GRK5: variants seen among roughly 807,000 people sequenced by gnomAD.
The protein encoded by GRK5 is G protein-coupled receptor kinase 5, also known as g protein-coupled receptor kinase GRK5.
GRK5 carries 40 observed loss-of-function variants against 78.4 expected under a neutral mutation model. The ratio of observed to expected loss-of-function variants is 0.51; its 90% CI spans 0.40 to 0.66. The LOEUF is 0.66. Ranked by LOEUF, GRK5 falls within the 30% of genes least tolerant of loss-of-function variation. The pLI, the probability that GRK5 is intolerant of heterozygous loss-of-function variation, is 0.00. For synonymous variants in GRK5, 289 were observed against 296.8 expected, an observed-to-expected ratio of 0.97 and a Z score of 0.27; for missense variants, 598 against 759.9, an observed-to-expected ratio of 0.79 and a Z score of 2.50.
At chr10:119,373,207 GA>G (rs1284301553) in intron 2 of GRK5, among the ~76,000 whole-genome samples, 5 of 152,200 alleles carry the variant, frequency 3.3e-5, no homozygotes, top group Non-Finnish European at 7.3e-5. Flanking sequence ...TAGATAGCTG[GA>G]AAAGCACTGC....
rs764370681 is a variant in GRK5 at position 119,452,679 on chromosome 10, T to C, written c.1413T>C (p.Ala471=). The part of the protein sequence containing the change: ...LDPPFVPDPR[A]VYCKDVLDIE... ...CCCTCTGCCCCTGGCAGCCCCGCGCTGTGTACTGTAAGGACGTGCTGGACA... is the reference window on the plus strand; with the variant it reads ...CCCTCTGCCCCTGGCAGCCCCGCGCCGTGTACTGTAAGGACGTGCTGGACA... Residue 471 remains alanine (A), a synonymous_variant, in exon 14 of 16, where the codon GCT becomes GCC. Coordinates refer to ENST00000392870, the MANE Select transcript of GRK5 (RefSeq NM_005308.3). This position sits in a 1 kb window ranked among gnomAD's most constrained non-coding sequence, Gnocchi z 4.4. 1 of 1,614,070 alleles carries C rather than the reference T, an allele frequency of 6.2e-7. No individual in the cohort carries two copies. The highest frequency in any genetic ancestry group is 1.1e-5 in the South Asian group (1 of 91,080).
At chr10:119,318,045 T>G (rs1053983652) in intron 1 of GRK5, among the ~76,000 whole-genome samples, 2 of 150,062 alleles carry the variant, frequency 1.3e-5, no homozygotes, top group African/African-American at 4.9e-5. Flanking sequence ...CTGATGCTGC[T>G]GGTCCAAGGA....
chr10:119,307,808 A>C (rs1214902843), intron 1 of GRK5, among the ~76,000 whole-genome samples: 1 of 152,140 alleles, frequency 6.6e-6, no homozygotes, highest in Non-Finnish European at 1.5e-5. Context: ...TGGATTTTGA[A>C]TTCTGAGGGG....
chr10:119,414,018 G>A (rs1374388715), intron 4 of GRK5, among the ~76,000 whole-genome samples: 1 of 152,164 alleles, frequency 6.6e-6, no homozygotes, highest in Non-Finnish European at 1.5e-5. Flanking sequence ...AGAAATGAGG[G>A]TGGCCTCCCA....
chr10:119,322,807 A>G (rs1468732195), intron 1 of GRK5, among the ~76,000 whole-genome samples: 3 of 152,244 alleles, frequency 2.0e-5, no homozygotes, highest in Admixed American at 6.5e-5. Flanking sequence ...TCCTGAGTAT[A>G]TACCCAAAAG....
chr10:119,274,834 A>C (rs1849641934), intron 1 of GRK5, among the ~76,000 whole-genome samples: 1 of 151,950 alleles, frequency 6.6e-6, no homozygotes, highest in Admixed American at 6.6e-5. Flanking sequence ...CCTTGGTTCC[A>C]CCTCTCACTG....
intron 1 of GRK5, among the ~76,000 whole-genome samples, chr10:119,292,406 C>A (rs1436631246): frequency 6.6e-6 from 1 of 152,174 alleles, no homozygotes; most frequent in Non-Finnish European, 1.5e-5. Context: ...CCCCCATGTT[C>A]ATCTGCTCAT....
At chr10:119,340,120 G>GTTTGTTTTGT (rs56098755) in intron 2 of GRK5, among the ~76,000 whole-genome samples, 10,781 of 151,818 alleles carry the variant, frequency 0.071, 593 homozygotes, top group African/African-American at 0.15. Flanking sequence ...TTGTTTGTTT[G>GTTTGTTTTGT]TTTGTTTTGT....
chr10:119,300,945 A>G (rs1850169862), intron 1 of GRK5, among the ~76,000 whole-genome samples: 1 of 152,076 alleles, frequency 6.6e-6, no homozygotes, highest in African/African-American at 2.4e-5. Flanking sequence ...AAAAAAAACA[A>G]AAAACAAAAA....
At chr10:119,225,828 G>A (rs1254930457) in intron 1 of GRK5, among the ~76,000 whole-genome samples, 6 of 149,462 alleles carry the variant, frequency 4.0e-5, no homozygotes. Flanking sequence ...GCACCACTGT[G>A]CCCGGCTAAT....
intron 1 of GRK5, among the ~76,000 whole-genome samples, chr10:119,275,818 T>TA (rs1849661441): frequency 6.6e-6 from 1 of 152,124 alleles, no homozygotes; most frequent in African/African-American, 2.4e-5. Flanking sequence ...TGAGCATGTG[T>TA]AAAAATGAGT....
intron 4 of GRK5, among the ~76,000 whole-genome samples, chr10:119,408,050 C>G (rs1216032944): frequency 2.7e-5 from 4 of 150,930 alleles, no homozygotes; most frequent in Non-Finnish European, 4.4e-5. Flanking sequence ...GTATTCCCAG[C>G]TACTCGGGAG....
chr10:119,278,399 G>A (rs1206542786), intron 1 of GRK5, among the ~76,000 whole-genome samples: 4 of 152,102 alleles, frequency 2.6e-5, no homozygotes, highest in Admixed American at 2.6e-4. Flanking sequence ...TTGACTCTCT[G>A]TAGGGCTGGC....
chr10:119,278,209 C>T (rs1056718262), intron 1 of GRK5, among the ~76,000 whole-genome samples: 7 of 152,124 alleles, frequency 4.6e-5, no homozygotes, highest in Non-Finnish European at 8.8e-5. Flanking sequence ...CTTCCCGAGA[C>T]GGTCTAATGG....
At chr10:119,371,946 C>T (rs924812038) in intron 2 of GRK5, among the ~76,000 whole-genome samples, 3 of 152,242 alleles carry the variant, frequency 2.0e-5, no homozygotes, top group Non-Finnish European at 4.4e-5. Flanking sequence ...CAAGACCACA[C>T]AGCCATCCAG....
At chr10:119,353,876 T>C (rs996940633) in intron 2 of GRK5, among the ~76,000 whole-genome samples, 2 of 151,874 alleles carry the variant, frequency 1.3e-5, no homozygotes, top group African/African-American at 4.8e-5. Flanking sequence ...AAGTACCCAG[T>C]ATATGAGGGA....
At chr10:119,212,838 A>G (rs977686976) in intron 1 of GRK5, 3 of 152,238 alleles carry the variant, frequency 2.0e-5, no homozygotes, top group East Asian at 1.9e-4. Flanking sequence ...CATTTCTCAC[A>G]TCAAAATAGA....
At chr10:119,237,122 G>A (rs1284645407) in intron 1 of GRK5, among the ~76,000 whole-genome samples, 8 of 135,008 alleles carry the variant, frequency 5.9e-5, no homozygotes, top group African/African-American at 1.1e-4. Context: ...GAATGCAGCC[G>A]CGCGATCTTG....
intron 10 of GRK5, among the ~76,000 whole-genome samples, chr10:119,440,751 A>T (rs556600542): frequency 2.0e-5 from 3 of 152,012 alleles, no homozygotes; most frequent in Non-Finnish European, 4.4e-5. Context: ...GGGTTTTGCC[A>T]TGTTGACCAG....
Sources: allele counts gnomAD v4.1 joint callset (sites outside exome capture counted in the v4.1 genomes callset), GRCh38; gene constraint gnomAD v4.1.1; non-coding constraint Gnocchi (gnomAD v3.1); transcripts MANE v1.5; gene names NCBI Gene and HGNC (gene_info 2026-07-23, HGNC 2026-07-21).